Variants in KDM1B observed in about 807,000 individuals in gnomAD.
The protein encoded by KDM1B is lysine demethylase 1B, also known as lysine-specific histone demethylase 2.
Under a neutral mutation model 107.4 loss-of-function variants are expected in KDM1B, and 63 were observed. The ratio of observed to expected loss-of-function variants is 0.59; its 90% CI spans 0.48 to 0.72. The LOEUF (loss-of-function observed/expected upper bound fraction) is 0.72, where lower values mean the gene tolerates loss of function less well. KDM1B is among the 30% of genes least tolerant of loss of function. The probability of loss-of-function intolerance (pLI) is 0.00; values close to 1 mark genes in which losing one functional copy is unlikely to be tolerated. For missense variants in KDM1B, 749 were observed against 1,020.8 expected, an observed-to-expected ratio of 0.73 and a Z score of 3.63; for synonymous variants, 363 against 363.9, an observed-to-expected ratio of 1.00 and a Z score of 0.03.
Position 18,215,144 on chromosome 6 carries a change from G to T in KDM1B, c.2232+15G>T. The T allele has an allele frequency of 6.2e-7, 1 of 1,607,778 alleles. No individual in the cohort carries two copies. The highest frequency in any genetic ancestry group is 8.5e-7 in the Non-Finnish European group (1 of 1,178,584). The stretch of plus-strand genomic sequence containing the variant: ...TCAAGGAGCAGGTGAGAGAGAGGAA[G>T]CCCTCCTTGAAAGGGGCAAGCCGTG... On this transcript the variant is annotated intron_variant, in intron 20 of 21. Coordinates refer to ENST00000650836, the MANE Select transcript of KDM1B (RefSeq NM_001364614.2).
At chr6:18,189,868 G>T (rs913256310) in intron 9 of KDM1B, among the ~76,000 whole-genome samples, 1 of 152,040 alleles carries the variant, frequency 6.6e-6, no homozygotes, top group Non-Finnish European at 1.5e-5. Flanking sequence ...ATTTTAGGCC[G>T]GGCACAGTGG....
Position 18,200,363 on chromosome 6 carries a change from T to G in KDM1B, c.1222-76T>G. 1.5e-6 allele frequency: 2 copies of G among 1,377,412 alleles called. No individual in the cohort carries two copies. Among genetic ancestry groups the G allele is most frequent in the Admixed American group, 4.3e-5 (2 of 45,984 alleles). The allele number at this position is 1,377,412 out of a possible 1,614,324, so 85.3% of individuals were successfully genotyped here. On this transcript the variant is annotated intron_variant, in intron 12 of 21. Transcript: ENST00000650836. This position sits in a 1 kb window ranked among gnomAD's most constrained non-coding sequence, Gnocchi z 4.3. ...ATATAGAGGCTATTTAACAGTGTCC[T>G]TCTACATTTTTATAATACTGTGTCT...
At chr6:18,169,411 A>G (rs1029811808) in intron 6 of KDM1B, among the ~76,000 whole-genome samples, 1 of 151,598 alleles carries the variant, frequency 6.6e-6, no homozygotes, top group Non-Finnish European at 1.5e-5. Flanking sequence ...ATTTTAGTAG[A>G]GATGGGGTTT....
rs1215390690 is a variant in KDM1B, at chr6:18,222,076, A to G, written c.*84A>G. On this transcript the variant is annotated 3_prime_UTR_variant, in exon 22 of 22. Coordinates refer to ENST00000650836, the MANE Select transcript of KDM1B (RefSeq NM_001364614.2). ...TAAACCTCAGTTTTATAAGAGGGGG[A>G]AAAAACCGTCTCTACATAGTAAAAC... The G allele has an allele frequency of 3.3e-6, 4 of 1,204,352 alleles. No homozygotes were observed. Among genetic ancestry groups the G allele is most frequent in the Non-Finnish European group, 3.7e-6 (3 of 807,238 alleles). 74.6% of individuals were successfully genotyped at this position (1,204,352 alleles called of 1,614,324 possible). A position where few individuals can be genotyped will look rare whatever the true frequency, so the allele number is the denominator to read the frequency against.
chr6:18,207,024 T>A (rs1424491841), intron 15 of KDM1B, among the ~76,000 whole-genome samples: 4 of 152,170 alleles, frequency 2.6e-5, no homozygotes, highest in Non-Finnish European at 5.9e-5. Flanking sequence ...TTTTCCAAAA[T>A]CGTGCAGGGT....
At chr6:18,192,119 A>G (rs1787318175) in intron 10 of KDM1B, among the ~76,000 whole-genome samples, 1 of 151,968 alleles carries the variant, frequency 6.6e-6, no homozygotes, top group Admixed American at 6.6e-5. Context: ...AAAATTAGCC[A>G]TGTGTGGTGG....
chr6:18,206,252 C>G (rs2150995361), intron 15 of KDM1B, among the ~76,000 whole-genome samples: 1 of 151,476 alleles, frequency 6.6e-6, no homozygotes, highest in Admixed American at 6.6e-5. Context: ...GCAGTGGCTC[C>G]CTTCTGTAAT....
rs567367848 is a variant in KDM1B at position 18,207,835 on chromosome 6, A to G, written c.1792-297A>G. 5.9e-5 allele frequency among the ~76,000 whole-genome samples: 9 copies of G among 152,274 alleles called. No homozygotes were observed. In the East Asian group the frequency reaches 7.7e-4, roughly 13 times the overall value. On this transcript the variant is annotated intron_variant, in intron 16 of 21. Coordinates refer to ENST00000650836, the MANE Select transcript of KDM1B (RefSeq NM_001364614.2). ...AATTTTCCCTTCAAATCTTTGTCTC[A>G]GTGCATTTGTATTGTGTGTTATTGT...
chr6:18,165,195 G>A (rs868533080), intron 5 of KDM1B, among the ~76,000 whole-genome samples: 40 of 138,268 alleles, frequency 2.9e-4, no homozygotes, highest in Middle Eastern at 8.5e-3. Context: ...GTGCAGTGGC[G>A]TAATCTCGGC....
intron 6 of KDM1B, among the ~76,000 whole-genome samples, chr6:18,169,031 T>A (rs1374045583): frequency 1.3e-5 from 2 of 151,368 alleles, no homozygotes; most frequent in African/African-American, 4.9e-5. Flanking sequence ...GCCACCACCC[T>A]GGGCTAATTT....
intron 3 of KDM1B, 124 bp from the exon 4 acceptor site, chr6:18,161,203 C>T (rs944969995): frequency 1.3e-6 from 1 of 777,298 alleles, no homozygotes; most frequent in Non-Finnish European, 2.1e-6. Context: ...TCATCCCTAA[C>T]CTACTGCCAT....
rs1787272231 is a variant in KDM1B, at chr6:18,191,333, C to G, written c.921C>G (p.Tyr307Ter). The G allele has an allele frequency of 6.4e-7, 1 of 1,551,064 alleles. No homozygotes were observed. The highest frequency in any genetic ancestry group is 1.4e-5 in the African/African-American group (1 of 73,132). ...AGTATTCCCGAGACCCCACCATGTA[C>G]CTGGCTTTGAGAAACCTCATCCTCG... Reference protein sequence around the residue: ...FPEYSRDPTMYLALRNLILAL... With the variant: ...FPEYSRDPTM The change falls in exon 10 of 22, where the codon TAC becomes TAG. Residue 307 changes from tyrosine to a stop codon, truncating the protein, a stop_gained. Coordinates refer to ENST00000650836, the MANE Select transcript of KDM1B (RefSeq NM_001364614.2). LOFTEE classifies it high-confidence loss of function. This position sits in a 1 kb window ranked among gnomAD's most constrained non-coding sequence, Gnocchi z 5.1.
Position 18,213,549 on chromosome 6 carries a change from C to A in KDM1B, c.1984-107C>A. On this transcript the variant is annotated intron_variant, in intron 18 of 21. Transcript: ENST00000650836. This position sits in a 1 kb window ranked among gnomAD's most constrained non-coding sequence, Gnocchi z 5.9. ...AGAGCGGTATTTGGGGTTGTTCTTT[C>A]GGGCAGTGTCTTTGTTTTAGAGTAG... The A allele has an allele frequency of 9.0e-7, 1 of 1,112,756 alleles. No homozygotes were observed. 68.9% of individuals were successfully genotyped at this position (1,112,756 alleles called of 1,614,324 possible).
intron 20 of KDM1B, among the ~76,000 whole-genome samples, chr6:18,215,719 T>G (rs73366527): frequency 0.02 from 3,059 of 152,080 alleles, 96 homozygotes; most frequent in African/African-American, 0.069. Context: ...CCTTTTTTTC[T>G]TCTCACATCA....
rs1788241870 is a variant in KDM1B at position 18,204,456 on chromosome 6, A to G, written c.1532-1081A>G. ...ACCACAGCACTCCAGCCTGGGTGAC[A>G]TGGTGAGACCCTATCTCAGGAAAAA... On this transcript the variant is annotated intron_variant, in intron 14 of 21. Transcript: ENST00000650836. This position sits in a 1 kb window ranked among gnomAD's most constrained non-coding sequence, Gnocchi z 4.9. Among the ~76,000 whole-genome samples, 1 of 152,156 alleles carries G rather than the reference A, an allele frequency of 6.6e-6. No individual in the cohort carries two copies. The highest frequency in any genetic ancestry group is 1.5e-5 in the Non-Finnish European group (1 of 68,010).
In KDM1B at chr6:18,187,738, A is replaced by C. The variant is rs995541117; in HGVS notation, c.574-54A>C. ...ACCCTCTGTCCCTGGCAGAATCTGCATGTACATTTCTTGTCTGTCCTTGTC... is the reference window on the plus strand; with the variant it reads ...ACCCTCTGTCCCTGGCAGAATCTGCCTGTACATTTCTTGTCTGTCCTTGTC... On this transcript the variant is annotated intron_variant, in intron 8 of 21. Transcript: ENST00000650836. The C allele has an allele frequency of 2.5e-6, 3 of 1,180,852 alleles. No homozygotes were observed. In the African/African-American group the frequency reaches 4.6e-5, roughly 18 times the overall value. 73.1% of individuals were successfully genotyped at this position (1,180,852 alleles called of 1,614,324 possible).
At chr6:18,171,335 T>G in intron 6 of KDM1B, 28 bp from the exon 7 acceptor site, 2 of 1,093,524 alleles carry the variant, frequency 1.8e-6, no homozygotes, top group Non-Finnish European at 2.8e-6. Context: ...GCTCACTTGT[T>G]CATCTTGACT....
chr6:18,158,369 A>G (rs968034498), intron 2 of KDM1B, among the ~76,000 whole-genome samples: 3 of 150,760 alleles, frequency 2.0e-5, no homozygotes, highest in African/African-American at 4.9e-5. Context: ...CATCCGTAAC[A>G]TTGATGTTAG....
At position 18,184,760 on chromosome 6, in the gene KDM1B, T is replaced by TA. The variant is rs1554144235; in HGVS notation, c.535-1010dup. ...CCTTTTTTTTTTTTTTTTTTTTTTTTAAGACAAGGTCTCTTGTCCAGGTGG... is the reference window on the plus strand; with the variant it reads ...CCTTTTTTTTTTTTTTTTTTTTTTTTAAAGACAAGGTCTCTTGTCCAGGTGG... On this transcript the variant is annotated intron_variant, in intron 7 of 21. Transcript: ENST00000650836. Among the ~76,000 whole-genome samples the TA allele has an allele frequency of 4.6e-5, 6 of 130,882 alleles. No individual in the cohort carries two copies. In the South Asian group the frequency reaches 1.5e-3, roughly 33 times the overall value. The allele number at this position is 130,882 out of a possible 152,430, so 85.9% of individuals were successfully genotyped here. A position where few individuals can be genotyped will look rare whatever the true frequency, so the allele number is the denominator to read the frequency against.
Sources: gnomAD v4.1 joint callset for allele counts (sites outside exome capture counted in the v4.1 genomes callset) on GRCh38, gnomAD v4.1.1 for gene constraint, Gnocchi (gnomAD v3.1) non-coding constraint, MANE v1.5 for transcripts, NCBI Gene and HGNC (gene_info 2026-07-23, HGNC 2026-07-21) for gene names.